Variants in PCDHGB4 observed in about 807,000 individuals in gnomAD.
PCDHGB4 encodes the protein protocadherin gamma-B4.
Under a neutral mutation model 60.5 loss-of-function variants are expected in PCDHGB4, and 38 were observed. The observed-to-expected ratio is 0.63, with a 90% CI of 0.48 to 0.82. PCDHGB4 has a LOEUF of 0.82. Among genes scored for constraint, PCDHGB4 ranks in the 40% least tolerant of loss-of-function variants. The pLI is 0.00. For missense variants in PCDHGB4, 1,109 were observed against 1,209.6 expected (o/e 0.92, Z 1.23); for synonymous variants, 456 against 509.7 (o/e 0.89, Z 1.42).
intron 1 of PCDHGB4, among the ~76,000 whole-genome samples, chr5:141,437,250 G>T (rs1191184272): frequency 6.6e-6 from 1 of 152,102 alleles, no homozygotes; most frequent in African/African-American, 2.4e-5. Flanking sequence ...GACTTTCCTT[G>T]TCTTTTTATG....
At position 141,403,569 on chromosome 5, in the gene PCDHGB4, C is replaced by A. The variant is rs1206497487; in HGVS notation, c.2397+13288C>A. On this transcript the variant is annotated intron_variant, in intron 1 of 3. Transcript: ENST00000519479. The stretch of plus-strand genomic sequence containing the variant: ...CGCGCCCTGGACAGGGAGGAGGCAA[C>A]TGCCCACCACCTGGTCCTCACGGCC... The A allele has an allele frequency of 5.6e-6, 9 of 1,613,828 alleles. No homozygotes were observed. The Admixed American group carries it at 6.7e-5, about 12-fold the overall frequency.
chr5:141,399,711 A>G (rs1232938340), intron 1 of PCDHGB4: 5 of 1,613,236 alleles, frequency 3.1e-6, no homozygotes, highest in African/African-American at 1.3e-5. Context: ...AACTCACACT[A>G]CAGGCCCGCG....
intron 1 of PCDHGB4, chr5:141,427,942 T>C (rs1561832592): frequency 6.3e-7 from 1 of 1,586,106 alleles, no homozygotes; most frequent in Non-Finnish European, 8.6e-7. Context: ...GTGGGCGACC[T>C]CAATGACAAT....
In PCDHGB4 at chr5:141,404,831, C is replaced by T. The variant is rs760971907; in HGVS notation, c.2397+14550C>T. 12 of 1,613,738 alleles carry T rather than the reference C, an allele frequency of 7.4e-6. No homozygotes were observed. The highest frequency in any genetic ancestry group is 3.3e-5 in the Admixed American group (2 of 59,978). On this transcript the variant is annotated intron_variant, in intron 1 of 3. Transcript: ENST00000519479. ...GGTGGGGCTGCACACAGGTGAAGTGCGCACAGCTCGGGCCCTGCTAGATAG... is the reference window on the plus strand; with the variant it reads ...GGTGGGGCTGCACACAGGTGAAGTGTGCACAGCTCGGGCCCTGCTAGATAG...
At chr5:141,460,453 A>T (rs1487816393) in intron 1 of PCDHGB4, among the ~76,000 whole-genome samples, 3 of 152,152 alleles carry the variant, frequency 2.0e-5, no homozygotes, top group Non-Finnish European at 4.4e-5. Flanking sequence ...ATGAAGATTC[A>T]TATTTTTTTC....
intron 1 of PCDHGB4, among the ~76,000 whole-genome samples, chr5:141,480,098 T>C (rs1415853757): frequency 6.6e-6 from 1 of 152,168 alleles, no homozygotes. Context: ...GTATGCAAAG[T>C]GTTTAGCATG....
At chr5:141,399,609 T>C in intron 1 of PCDHGB4, 2 of 1,613,918 alleles carry the variant, frequency 1.2e-6, no homozygotes, top group Non-Finnish European at 1.7e-6. Flanking sequence ...ACCTAGAGCC[T>C]CTGGCACTGG....
rs780836649 is a variant in PCDHGB4 at position 141,414,681 on chromosome 5, G to C, written c.2397+24400G>C. 38 of 1,613,836 alleles carry C rather than the reference G, an allele frequency of 2.4e-5. 1 individual carries two copies. The East Asian group carries it at 8.5e-4, about 36-fold the overall frequency. ...CCCTGGCTGAAGACACCATCCAGGG[G>C]GTACCTCTGTCCTCATACATATCCA... On this transcript the variant is annotated intron_variant, in intron 1 of 3. Coordinates refer to ENST00000519479, the MANE Select transcript of PCDHGB4 (RefSeq NM_003736.4).
Position 141,476,017 on chromosome 5 carries a change from G to C in PCDHGB4, c.2398-18790G>C. The C allele has an allele frequency of 1.5e-6, 2 of 1,369,942 alleles. No individual in the cohort carries two copies. The highest frequency in any genetic ancestry group is 2.0e-6 in the Non-Finnish European group (2 of 1,015,658). The allele number at this position is 1,369,942 out of a possible 1,614,324, so 84.9% of individuals were successfully genotyped here. A position where few individuals can be genotyped will look rare whatever the true frequency, so the allele number is the denominator to read the frequency against. On this transcript the variant is annotated intron_variant, in intron 1 of 3. Coordinates refer to ENST00000519479, the MANE Select transcript of PCDHGB4 (RefSeq NM_003736.4). This position sits in a 1 kb window ranked among gnomAD's most constrained non-coding sequence, Gnocchi z 7.6. ...CAACGGCATCCAGAAAGCCATGTCG[G>C]ACTCGGCGCCCAGCGCCCAAGCGCT...
rs1000330093 is a variant in PCDHGB4 at position 141,511,812 on chromosome 5, C to T, written c.*639C>T. 2.5e-5 allele frequency: 4 copies of T among 157,260 alleles called. No individual in the cohort carries two copies. Among genetic ancestry groups the T allele is most frequent in the African/African-American group, 9.6e-5 (4 of 41,492 alleles). The allele number at this position is 157,260 out of a possible 1,614,324, so 9.7% of individuals were successfully genotyped here. The stretch of plus-strand genomic sequence containing the variant: ...TAGGGAGGGCATTTTGCTACCAAGC[C>T]TCTTCCCAACGCCCTGGGGACCAGT... On this transcript the variant is annotated 3_prime_UTR_variant, in exon 4 of 4. Transcript: ENST00000519479.
intron 2 of PCDHGB4, among the ~76,000 whole-genome samples, chr5:141,502,404 C>G (rs1270930372): frequency 6.6e-6 from 1 of 151,880 alleles, no homozygotes; most frequent in African/African-American, 2.4e-5. Context: ...TGTCCCCGAA[C>G]CTGGATTTGC....
chr5:141,468,815 A>G (rs866523229), intron 1 of PCDHGB4, among the ~76,000 whole-genome samples: 7 of 151,958 alleles, frequency 4.6e-5, no homozygotes, highest in Middle Eastern at 3.4e-3. Context: ...GCAGTGAGCC[A>G]AGATCAAGCC....
Position 141,506,556 on chromosome 5 carries a change from AC to A in PCDHGB4, c.2545+1080del, listed in dbSNP as rs560503002. Among the ~76,000 whole-genome samples the A allele has an allele frequency of 4.0e-4, 60 of 151,718 alleles. 1 individual carries two copies. In the East Asian group the frequency reaches 0.011, roughly 28 times the overall value. ...AATGAGTCCTTAGGTAAGTTATTAA[AC>A]CCCCTCGGTTTCACTTACTATTAAT... On this transcript the variant is annotated intron_variant, in intron 3 of 3. Coordinates refer to ENST00000519479, the MANE Select transcript of PCDHGB4 (RefSeq NM_003736.4).
Position 141,501,290 on chromosome 5 carries a change from TACACACAC to T in PCDHGB4, c.2457-4066_2457-4059del, listed in dbSNP as rs55762287. 3.7e-3 allele frequency among the ~76,000 whole-genome samples: 499 copies of T among 136,222 alleles called. 2 individuals carry two copies. Among genetic ancestry groups the T allele is most frequent in the Middle Eastern group, 0.033 (9 of 270 alleles). 89.4% of individuals were successfully genotyped at this position (136,222 alleles called of 152,430 possible). On this transcript the variant is annotated intron_variant, in intron 2 of 3. Transcript: ENST00000519479. ...GTCCAGTCTATGGGATATTCCCTTA[TACACACAC>T]ACACACACACACACACACACACACA... is the stretch of plus-strand genomic sequence containing the variant.
At chr5:141,393,845 AC>A in intron 1 of PCDHGB4, 1 of 1,613,966 alleles carries the variant, frequency 6.2e-7, no homozygotes, top group South Asian at 1.1e-5. Flanking sequence ...ATGACAATAG[AC>A]CAGAAGTGAT....
Position 141,389,923 on chromosome 5 carries a change from C to G in PCDHGB4, c.2039C>G (p.Ser680Cys). 1 of 1,614,076 alleles carries G rather than the reference C, an allele frequency of 6.2e-7. No homozygotes were observed. The highest frequency in any genetic ancestry group is 8.5e-7 in the Non-Finnish European group (1 of 1,179,902). Residue 680 changes from serine to cysteine, a missense_variant, in exon 1 of 4, where the codon TCT (serine) becomes TGT (cysteine). Physicochemically the swap from Ser to Cys is moderately radical, Grantham distance 112. This residue lies in a region of PCDHGB4 where 1,068 missense variants were observed against 1,089.9 expected (regional missense o/e 0.98). Transcript: ENST00000519479. ...GATATCACTGACCGCCCCGACCCCT[C>G]TGACCTCCAGGCTGAGCTGCAGTTT... ...LPDITDRPDP[S>C]DLQAELQFYL...
chr5:141,405,185 G>C (rs777099869), intron 1 of PCDHGB4: 4 of 1,613,066 alleles, frequency 2.5e-6, no homozygotes, highest in Non-Finnish European at 3.4e-6. Context: ...GGGTGTAGAT[G>C]GGGTTCGAGC....
rs182936964 is a variant in PCDHGB4, at chr5:141,502,069, T to C, written c.2457-3324T>C. 1.1e-3 allele frequency among the ~76,000 whole-genome samples: 175 copies of C among 152,186 alleles called. 1 individual carries two copies. Among genetic ancestry groups the C allele is most frequent in the African/African-American group, 3.9e-3 (162 of 41,524 alleles). ...CCCTACTTTATTCCCATTAGCCCCC[T>C]TCACCTGGGGCTGAGAACACCTGGC... On this transcript the variant is annotated intron_variant, in intron 2 of 3. Coordinates refer to ENST00000519479, the MANE Select transcript of PCDHGB4 (RefSeq NM_003736.4).
At chr5:141,421,435 A>G (rs775839500) in intron 1 of PCDHGB4, 3 of 1,614,108 alleles carry the variant, frequency 1.9e-6, no homozygotes, top group East Asian at 4.5e-5. Context: ...CATCGTCTCC[A>G]GAGGGAAGAC....
Sources: gnomAD v4.1 joint callset for allele counts (sites outside exome capture counted in the v4.1 genomes callset) on GRCh38, gnomAD v4.1.1 for gene constraint, gnomAD v4.1.1 regional missense constraint, Gnocchi (gnomAD v3.1) non-coding constraint, MANE v1.5 for transcripts, NCBI Gene and HGNC (gene_info 2026-07-23, HGNC 2026-07-21) for gene names.